The following RAB11FIP2 variants were observed in gnomAD, a reference collection of about 807,000 sequenced individuals.
RAB11FIP2 encodes RAB11 family interacting protein 2.
RAB11FIP2 carries 16 observed loss-of-function variants against 40.9 expected under a neutral mutation model. That is an observed-to-expected ratio of 0.39 (90% CI 0.26 to 0.59). The LOEUF (loss-of-function observed/expected upper bound fraction) is 0.59, where lower values mean the gene tolerates loss of function less well. Ranked by LOEUF, RAB11FIP2 falls within the 20% of genes least tolerant of loss-of-function variation. The pLI is 0.53. For missense variants in RAB11FIP2, 532 were observed against 606.2 expected, an observed-to-expected ratio of 0.88 and a Z score of 1.28; for synonymous variants, 228 against 213.7, an observed-to-expected ratio of 1.07 and a Z score of -0.58.
intron 3 of RAB11FIP2, among the ~76,000 whole-genome samples, chr10:118,022,209 G>T (rs1846290242): frequency 6.6e-6 from 1 of 152,244 alleles, no homozygotes; most frequent in East Asian, 1.9e-4. Flanking sequence ...CTCTGCCACA[G>T]AACTCTCATC....
intron 1 of RAB11FIP2, among the ~76,000 whole-genome samples, chr10:118,040,772 C>T (rs1269725419): frequency 1.3e-5 from 2 of 152,102 alleles, no homozygotes; most frequent in East Asian, 3.8e-4. Flanking sequence ...GTAACATATA[C>T]TGAAGGAATG....
chr10:118,036,348 C>T (rs1846481119), intron 3 of RAB11FIP2, among the ~76,000 whole-genome samples: 1 of 152,038 alleles, frequency 6.6e-6, no homozygotes, highest in South Asian at 2.1e-4. Flanking sequence ...AAATTCACAG[C>T]ACGTGTCTTA....
intron 1 of RAB11FIP2, among the ~76,000 whole-genome samples, chr10:118,041,136 A>G (rs1846553210): frequency 1.3e-5 from 2 of 152,096 alleles, no homozygotes; most frequent in African/African-American, 4.8e-5. Context: ...AAAACAGCAT[A>G]TGATGTCATT....
At chr10:118,012,119 T>C (rs968909015) in intron 4 of RAB11FIP2, among the ~76,000 whole-genome samples, 3 of 152,014 alleles carry the variant, frequency 2.0e-5, no homozygotes, top group Admixed American at 2.0e-4. Flanking sequence ...AGCCATGATA[T>C]AAATTAATAG....
chr10:118,033,920 G>A (rs761406059), intron 3 of RAB11FIP2: 7 of 700,312 alleles, frequency 1.0e-5, no homozygotes, highest in Non-Finnish European at 1.8e-5. Flanking sequence ...AGGGCCACTT[G>A]GCTATTCCTC....
Position 118,006,858 on chromosome 10 carries a change from T to G in RAB11FIP2, c.*2140A>C, listed in dbSNP as rs575508484. On this transcript the variant is annotated 3_prime_UTR_variant, in exon 5 of 5. Transcript: ENST00000355624. ...AAGCTAAGCCTCAATAGCTTTTATATAGGAAAAGAATCGCTCCTTAAAAAT... is the reference window on the plus strand; with the variant it reads ...AAGCTAAGCCTCAATAGCTTTTATAGAGGAAAAGAATCGCTCCTTAAAAAT... The G allele has an allele frequency of 2.0e-5, 3 of 152,348 alleles. No individual in the cohort carries two copies. Among genetic ancestry groups the G allele is most frequent in the Non-Finnish European group, 4.4e-5 (3 of 67,890 alleles). The allele number at this position is 152,348 out of a possible 1,614,324, so 9.4% of individuals were successfully genotyped here.
chr10:118,010,905 A>G (rs906835393), intron 4 of RAB11FIP2, among the ~76,000 whole-genome samples: 1 of 152,062 alleles, frequency 6.6e-6, no homozygotes, highest in African/African-American at 2.4e-5. Context: ...TGTACAGGAC[A>G]GCGAGCAGAC....
At chr10:118,034,134 G>A (rs903175180) in intron 3 of RAB11FIP2, 15 of 679,206 alleles carry the variant, frequency 2.2e-5, no homozygotes, top group Non-Finnish European at 3.5e-5. Flanking sequence ...CAATTATGAC[G>A]ATAATGCGGC....
At chr10:118,030,214 A>G (rs1224928128) in intron 3 of RAB11FIP2, among the ~76,000 whole-genome samples, 1 of 152,174 alleles carries the variant, frequency 6.6e-6, no homozygotes, top group Non-Finnish European at 1.5e-5. Context: ...ATTAAAAATA[A>G]TTCTCTCAAA....
chr10:118,033,590 T>C (rs2133177637), intron 3 of RAB11FIP2, among the ~76,000 whole-genome samples: 1 of 152,176 alleles, frequency 6.6e-6, no homozygotes, highest in East Asian at 1.9e-4. Context: ...ACGGCATGGC[T>C]TACAAGGACC....
At position 118,008,149 on chromosome 10, in the gene RAB11FIP2, G is replaced by A. The variant is rs1846116123; in HGVS notation, c.*849C>T. The A allele has an allele frequency of 6.6e-6, 1 of 152,220 alleles. No homozygotes were observed. The highest frequency in any genetic ancestry group is 2.4e-5 in the African/African-American group (1 of 41,434). The allele number at this position is 152,220 out of a possible 1,614,324, so 9.4% of individuals were successfully genotyped here. ...GCTTATACCTTAAACAAACTCAAATGTTAATTAATTCAAATAAATTCATGC... is the reference window on the plus strand; with the variant it reads ...GCTTATACCTTAAACAAACTCAAATATTAATTAATTCAAATAAATTCATGC... On this transcript the variant is annotated 3_prime_UTR_variant, in exon 5 of 5. Transcript: ENST00000355624.
At chr10:118,038,445 G>A (rs1846509453) in intron 3 of RAB11FIP2, among the ~76,000 whole-genome samples, 1 of 151,950 alleles carries the variant, frequency 6.6e-6, no homozygotes, top group Non-Finnish European at 1.5e-5. Flanking sequence ...GAACCCATGA[G>A]GGTTACTGAA....
chr10:118,039,252 T>C lies in RAB11FIP2; in HGVS notation c.985A>G (p.Ser329Gly). Residue 329 changes from serine to glycine, a missense_variant, in exon 3 of 5, where the codon AGC becomes GGC. Transcript: ENST00000355624. ...PRKKNPFEES[S>G]ETWDSSMNLF... ...TTCATGCTGCTGTCCCATGTTTCGC[T>C]GCTTTCTTCAAATGGATTTTTCTTC... is the stretch of plus-strand genomic sequence containing the variant. 1 of 1,613,830 alleles carries C rather than the reference T, an allele frequency of 6.2e-7. No homozygotes were observed. The highest frequency in any genetic ancestry group is 8.5e-7 in the Non-Finnish European group (1 of 1,179,776).
In RAB11FIP2 at chr10:118,008,158, T is replaced by A. The variant is rs957814945; in HGVS notation, c.*840A>T. 4 of 152,292 alleles carry A rather than the reference T, an allele frequency of 2.6e-5. No individual in the cohort carries two copies. The highest frequency in any genetic ancestry group is 9.6e-5 in the African/African-American group (4 of 41,472). 9.4% of individuals were successfully genotyped at this position (152,292 alleles called of 1,614,324 possible). On this transcript the variant is annotated 3_prime_UTR_variant, in exon 5 of 5. Coordinates refer to ENST00000355624, the MANE Select transcript of RAB11FIP2 (RefSeq NM_014904.3). ...TTAAACAAACTCAAATGTTAATTAATTCAAATAAATTCATGCTGTTATGAA... is the reference window on the plus strand; with the variant it reads ...TTAAACAAACTCAAATGTTAATTAAATCAAATAAATTCATGCTGTTATGAA...
intron 3 of RAB11FIP2, among the ~76,000 whole-genome samples, chr10:118,017,074 A>G (rs1424000019): frequency 6.6e-6 from 1 of 152,160 alleles, no homozygotes; most frequent in Non-Finnish European, 1.5e-5. Context: ...ACGGCCCAGT[A>G]TCTTCCACAT....
At chr10:118,024,569 G>A (rs1846321127) in intron 3 of RAB11FIP2, among the ~76,000 whole-genome samples, 1 of 149,706 alleles carries the variant, frequency 6.7e-6, no homozygotes, top group African/African-American at 2.5e-5. Context: ...TGACAGCAAG[G>A]CACCTGCAGG....
Position 118,008,937 on chromosome 10 carries a change from C to G in RAB11FIP2, c.*61G>C. On this transcript the variant is annotated 3_prime_UTR_variant, in exon 5 of 5. Coordinates refer to ENST00000355624, the MANE Select transcript of RAB11FIP2 (RefSeq NM_014904.3). ...AGTCTCTTTCAGTAACAAGTTTTTC[C>G]TTCCTTCCTTCTTTCTTTCTCTCTC... 8,712 of 1,097,434 alleles carry G rather than the reference C, an allele frequency of 7.9e-3. No individual in the cohort carries two copies. Among genetic ancestry groups the G allele is most frequent in the Non-Finnish European group, 0.011 (7,799 of 737,424 alleles). The allele number at this position is 1,097,434 out of a possible 1,614,324, so 68.0% of individuals were successfully genotyped here.
In RAB11FIP2 at chr10:118,006,715, G is replaced by C. The variant is rs553080063; in HGVS notation, c.*2283C>G. 2.6e-5 allele frequency: 4 copies of C among 152,096 alleles called. No individual in the cohort carries two copies. The East Asian group carries it at 7.7e-4, about 29-fold the overall frequency. 9.4% of individuals were successfully genotyped at this position (152,096 alleles called of 1,614,324 possible). On this transcript the variant is annotated 3_prime_UTR_variant, in exon 5 of 5. Coordinates refer to ENST00000355624, the MANE Select transcript of RAB11FIP2 (RefSeq NM_014904.3). The stretch of plus-strand genomic sequence containing the variant: ...GTGAAAATTCACAAACATTAGAACA[G>C]CAAATTTTCAGGCAGTGATGAATGT...
At chr10:118,043,787 A>T (rs896600483) in intron 1 of RAB11FIP2, among the ~76,000 whole-genome samples, 3 of 152,242 alleles carry the variant, frequency 2.0e-5, no homozygotes, top group Non-Finnish European at 4.4e-5. Context: ...AGCAATGTGC[A>T]GAATATTAAA....
Sources: gnomAD v4.1 joint callset for allele counts (sites outside exome capture counted in the v4.1 genomes callset) on GRCh38, gnomAD v4.1.1 for gene constraint, MANE v1.5 for transcripts, NCBI Gene and HGNC (gene_info 2026-07-23, HGNC 2026-07-21) for gene names.